DISP1: variants seen among roughly 807,000 people sequenced by gnomAD.
The protein encoded by DISP1 is protein dispatched homolog 1.
In DISP1, 30 loss-of-function variants were observed where a neutral mutation model predicts 37.3. The observed-to-expected ratio is 0.80, with a 90% confidence interval of 0.60 to 1.09. The LOEUF (loss-of-function observed/expected upper bound fraction) is 1.09, where lower values mean the gene tolerates loss of function less well. Among genes scored for constraint, DISP1 ranks in the 50% least tolerant of loss-of-function variants. The pLI is 0.00. For synonymous variants in DISP1, 634 were observed against 690.2 expected (o/e 0.92, Z 1.28); for missense variants, 1,598 against 1,879.5 (o/e 0.85, Z 2.77).
intron 1 of DISP1, among the ~76,000 whole-genome samples, chr1:222,884,763 C>T (rs1394433801): frequency 1.3e-5 from 2 of 152,162 alleles, no homozygotes; most frequent in Non-Finnish European, 2.9e-5. Context: ...GTATCTTTTG[C>T]TCACTGATTT....
rs1673211852 is a variant in DISP1, at chr1:222,928,547, G to GTTAA, written c.-41_-40insTTAA. ...ATCATTTGCACCAAACTGAGCCAGA[G>GTTAA]AAGTTCCCTCTTTTAACATAAAGGT... On this transcript the variant is annotated 5_prime_UTR_variant, in exon 2 of 9. Coordinates refer to ENST00000675850, the MANE Select transcript of DISP1 (RefSeq NM_001377229.1). 1.3e-5 allele frequency: 2 copies of GTTAA among 152,348 alleles called. No homozygotes were observed. Among genetic ancestry groups the GTTAA allele is most frequent in the African/African-American group, 4.8e-5 (2 of 41,584 alleles). The allele number at this position is 152,348 out of a possible 1,614,324, so 9.4% of individuals were successfully genotyped here. A position where few individuals can be genotyped will look rare whatever the true frequency, so the allele number is the denominator to read the frequency against.
At chr1:222,985,864 ATTCTT>A (rs1171461039) in intron 4 of DISP1, among the ~76,000 whole-genome samples, 1 of 152,084 alleles carries the variant, frequency 6.6e-6, no homozygotes, top group Admixed American at 6.6e-5. Flanking sequence ...AGAGTTGTAT[ATTCTT>A]TTCTTTTTTT....
rs1226529161 is a variant in DISP1 at position 223,005,633 on chromosome 1, A to G, written c.4236A>G (p.Lys1412=). ...AAACGTGTTGCGACCCCGAGAATAA[A>G]CAAAGGGAACTCTGTAAAAATAGAG... ...LLKTCCDPEN[K]QRELCKNRDV... The change falls in exon 9 of 9, where the codon AAA becomes AAG. Residue 1412 remains lysine (K), a synonymous_variant. Coordinates refer to ENST00000675850, the MANE Select transcript of DISP1 (RefSeq NM_001377229.1). 1 of 1,614,150 alleles carries G rather than the reference A, an allele frequency of 6.2e-7. No individual in the cohort carries two copies. The highest frequency in any genetic ancestry group is 1.3e-5 in the African/African-American group (1 of 75,020).
chr1:222,936,648 TA>T (rs1673769885), intron 2 of DISP1, among the ~76,000 whole-genome samples: 1 of 113,534 alleles, frequency 8.8e-6, no homozygotes, highest in Admixed American at 1.1e-4. Flanking sequence ...ATGAGATATA[TA>T]TATCTCTCAT....
intron 1 of DISP1, among the ~76,000 whole-genome samples, chr1:222,851,497 G>A (rs758189718): frequency 6.6e-6 from 1 of 152,074 alleles, no homozygotes; most frequent in Non-Finnish European, 1.5e-5. Context: ...GATTTGTTGA[G>A]CCTCTCTGCC....
Position 223,004,602 on chromosome 1 carries a change from G to A in DISP1, c.3205G>A (p.Glu1069Lys), listed in dbSNP as rs755594706. The change falls in exon 9 of 9, where the codon GAA (glutamate) becomes AAA (lysine). Residue 1069 changes from glutamate (E) to lysine (K), a missense_variant. Physicochemically the swap from Glu to Lys is moderately conservative, Grantham distance 56. Coordinates refer to ENST00000675850, the MANE Select transcript of DISP1 (RefSeq NM_001377229.1). The surrounding 1 kb of genome is among the most constrained non-coding windows in gnomAD (Gnocchi z 4.9). ...AYRLAPDPDR[E>K]GKVIFSLSRV... ...CCGCTTGGCTCCAGATCCCGACCGA[G>A]AAGGCAAAGTGATCTTCTCTCTGAG... is the stretch of plus-strand genomic sequence containing the variant. The A allele has an allele frequency of 5.0e-6, 8 of 1,614,012 alleles. No individual in the cohort carries two copies. The Admixed American group carries it at 1.2e-4, about 24-fold the overall frequency.
At chr1:222,894,260 C>G (rs983336549) in intron 1 of DISP1, among the ~76,000 whole-genome samples, 2 of 152,162 alleles carry the variant, frequency 1.3e-5, no homozygotes, top group Admixed American at 6.5e-5. Context: ...AGGGACCTAC[C>G]CCTTTCCACC....
chr1:222,925,320 A>T (rs1019589286), intron 1 of DISP1, among the ~76,000 whole-genome samples: 1 of 152,170 alleles, frequency 6.6e-6, no homozygotes, highest in African/African-American at 2.4e-5. Context: ...TAGGATCAAC[A>T]ACTCTAGAAC....
chr1:222,988,801 G>A (rs1049192250), intron 4 of DISP1, among the ~76,000 whole-genome samples: 2 of 151,882 alleles, frequency 1.3e-5, no homozygotes, highest in African/African-American at 4.8e-5. Context: ...CTACAGGCGT[G>A]TGCCACCATG....
intron 3 of DISP1, among the ~76,000 whole-genome samples, chr1:222,980,447 G>C (rs1002840290): frequency 1.3e-5 from 2 of 150,012 alleles, no homozygotes; most frequent in African/African-American, 5.0e-5. Context: ...GTGTATAAGA[G>C]AGAAACAAAA....
chr1:222,877,022 G>C (rs1309605196), intron 1 of DISP1, among the ~76,000 whole-genome samples: 2 of 152,184 alleles, frequency 1.3e-5, no homozygotes, highest in African/African-American at 4.8e-5. Flanking sequence ...AGCAAAGAGA[G>C]AGAAAGAACC....
At chr1:222,979,178 C>T (rs1041852684) in intron 3 of DISP1, among the ~76,000 whole-genome samples, 7 of 152,090 alleles carry the variant, frequency 4.6e-5, no homozygotes, top group South Asian at 2.1e-4. Context: ...GGAGCCTGGG[C>T]GAGAGTGTCA....
intron 1 of DISP1, among the ~76,000 whole-genome samples, chr1:222,837,612 G>A (rs887722965): frequency 6.6e-6 from 1 of 152,114 alleles, no homozygotes; most frequent in Non-Finnish European, 1.5e-5. Context: ...TCTATTATCA[G>A]TGGATTTAAG....
At chr1:222,858,400 C>T (rs924500984) in intron 1 of DISP1, among the ~76,000 whole-genome samples, 13 of 152,016 alleles carry the variant, frequency 8.6e-5, no homozygotes, top group South Asian at 6.2e-4. Context: ...TAGGCAATAC[C>T]ATTCAGGACA....
chr1:223,005,219 A>C lies in DISP1; in HGVS notation c.3822A>C (p.Pro1274=), dbSNP rs9441941. Residue 1274 remains proline, a synonymous_variant, in exon 9 of 9, where the codon CCA becomes CCC. Coordinates refer to ENST00000675850, the MANE Select transcript of DISP1 (RefSeq NM_001377229.1). The stretch of plus-strand genomic sequence containing the variant: ...CTCTGAATCAGAGATGTAGCTGCCC[A>C]GATGCCTACAAACACTTGAACTATG... ...FFSLNQRCSC[P]DAYKHLNYGP... is the part of the protein sequence containing the mutation. 0.56 allele frequency: 907,420 copies of C among 1,613,862 alleles called. 256,752 individuals are homozygous for C. The highest frequency in any genetic ancestry group is 0.6 in the Middle Eastern group (3,622 of 6,062).
chr1:222,837,315 C>T (rs1198078140), intron 1 of DISP1: 9 of 378,972 alleles, frequency 2.4e-5, no homozygotes, highest in Non-Finnish European at 4.2e-5. Context: ...AGAGCTGTCT[C>T]TCCACCCTAG....
intron 7 of DISP1, 80 bp downstream of exon 7, chr1:222,992,190 T>G (rs1208707849): frequency 3.0e-5 from 34 of 1,130,722 alleles, no homozygotes; most frequent in Non-Finnish European, 4.4e-5. Context: ...TCTAGACTGA[T>G]AGCCGTGTGT....
rs950479226 is a variant in DISP1, at chr1:222,908,146, C to T, written c.-158-20284C>T. Among the ~76,000 whole-genome samples the T allele has an allele frequency of 2.6e-5, 4 of 152,132 alleles. No individual in the cohort carries two copies. In the South Asian group the frequency reaches 8.3e-4, roughly 32 times the overall value. ...CAAAAGTAACTGGAAAGTACAATGT[C>T]AATTTATTATGTATAGTAGGTAAAA... On this transcript the variant is annotated intron_variant, in intron 1 of 8. Transcript: ENST00000675850.
In DISP1 at chr1:222,990,563, G is replaced by A. The variant is rs1220336116; in HGVS notation, c.540-62G>A. The stretch of plus-strand genomic sequence containing the variant: ...TATTTCTGCGAAGGGCCTTCTTTGT[G>A]CCTTCTTTGTGTTTCTGTAGTTATG... On this transcript the variant is annotated intron_variant, in intron 4 of 8. Transcript: ENST00000675850. The A allele has an allele frequency of 6.2e-6, 10 of 1,612,572 alleles. No homozygotes were observed. The African/African-American group carries it at 9.3e-5, about 15-fold the overall frequency.
Sources: allele counts gnomAD v4.1 joint callset (sites outside exome capture counted in the v4.1 genomes callset), GRCh38; gene constraint gnomAD v4.1.1; non-coding constraint Gnocchi (gnomAD v3.1); transcripts MANE v1.5; gene names NCBI Gene and HGNC (gene_info 2026-07-23, HGNC 2026-07-21).